The following CADPS variants were observed in gnomAD, a reference collection of about 807,000 sequenced individuals.
The protein encoded by CADPS is calcium dependent secretion activator, also known as calcium-dependent secretion activator 1.
Under a neutral mutation model 167.3 loss-of-function variants are expected in CADPS, and 57 were observed. The ratio of observed to expected loss-of-function variants is 0.34; its 90% CI spans 0.28 to 0.42. CADPS has a LOEUF of 0.42. Ranked by LOEUF, CADPS falls within the 20% of genes least tolerant of loss-of-function variation. The pLI is 1.00. For missense variants in CADPS, 1,414 were observed against 1,738.1 expected (o/e 0.81, Z 3.32); for synonymous variants, 676 against 635.3 (o/e 1.06, Z -0.96).
At chr3:62,830,327 T>C (rs1372798841) in intron 1 of CADPS, among the ~76,000 whole-genome samples, 4 of 152,138 alleles carry the variant, frequency 2.6e-5, no homozygotes, top group African/African-American at 9.7e-5. Flanking sequence ...CAAATCAGGA[T>C]CTTCTTCAAC....
rs1441418164 is a variant in CADPS, at chr3:62,398,697, C to T, written c.*709G>A. 2 of 152,350 alleles carry T rather than the reference C, an allele frequency of 1.3e-5. No homozygotes were observed. The highest frequency in any genetic ancestry group is 4.8e-5 in the African/African-American group (2 of 41,414). The allele number at this position is 152,350 out of a possible 1,614,324, so 9.4% of individuals were successfully genotyped here. On this transcript the variant is annotated 3_prime_UTR_variant, in exon 30 of 30. Coordinates refer to ENST00000383710, the MANE Select transcript of CADPS (RefSeq NM_003716.4). ...CAAAATAACATTTAAGAGGAGAAAA[C>T]TTTGACAGAAGACAGTAGTTTTGAA...
intron 1 of CADPS, among the ~76,000 whole-genome samples, chr3:62,828,692 A>G (rs902751699): frequency 6.6e-6 from 1 of 152,188 alleles, no homozygotes; most frequent in African/African-American, 2.4e-5. Context: ...ACTTATTTAA[A>G]TATGCTTTTA....
At chr3:62,807,876 TTTCTTTC>T (rs1170243597) in intron 1 of CADPS, among the ~76,000 whole-genome samples, 2 of 152,096 alleles carry the variant, frequency 1.3e-5, no homozygotes, top group African/African-American at 4.8e-5. Context: ...TTTTTCTTTC[TTTCTTTC>T]TTTTTTTTGA....
intron 28 of CADPS, among the ~76,000 whole-genome samples, chr3:62,410,376 A>C (rs1239026573): frequency 6.6e-6 from 1 of 152,242 alleles, no homozygotes; most frequent in African/African-American, 2.4e-5. Flanking sequence ...ATGCCTGGGC[A>C]GTTCATGTCT....
At chr3:62,623,683 G>C (rs955664824) in intron 6 of CADPS, among the ~76,000 whole-genome samples, 1 of 152,062 alleles carries the variant, frequency 6.6e-6, no homozygotes, top group Admixed American at 6.5e-5. Flanking sequence ...TGATTTTTCT[G>C]AGCTAACCCT....
chr3:62,624,371 T>C (rs2063663181), intron 6 of CADPS, among the ~76,000 whole-genome samples: 1 of 152,210 alleles, frequency 6.6e-6, no homozygotes, highest in African/African-American at 2.4e-5. Flanking sequence ...GTTCCAGCTG[T>C]TGGTGAGTTG....
At chr3:62,600,420 C>T (rs2059788082) in intron 6 of CADPS, among the ~76,000 whole-genome samples, 1 of 152,106 alleles carries the variant, frequency 6.6e-6, no homozygotes, top group South Asian at 2.1e-4. Context: ...AATGCCATCA[C>T]CCATAGAGGC....
chr3:62,676,870 T>A (rs1469366602), intron 3 of CADPS, among the ~76,000 whole-genome samples: 3 of 152,132 alleles, frequency 2.0e-5, no homozygotes, highest in Non-Finnish European at 2.9e-5. Flanking sequence ...CCAGCCTGCA[T>A]GGAACAAGAT....
At chr3:62,746,103 C>T (rs1365407235) in intron 3 of CADPS, among the ~76,000 whole-genome samples, 1 of 152,140 alleles carries the variant, frequency 6.6e-6, no homozygotes, top group Non-Finnish European at 1.5e-5. Context: ...AGCCTGTGGG[C>T]AAACAATGTT....
At chr3:62,481,539 T>C (rs1031359568) in intron 22 of CADPS, among the ~76,000 whole-genome samples, 184 bp downstream of exon 22, 2 of 152,232 alleles carry the variant, frequency 1.3e-5, no homozygotes, top group Non-Finnish European at 2.9e-5. Context: ...GCTGTATATA[T>C]AGCAAACATC....
In CADPS at chr3:62,455,254, A is replaced by G. The variant is rs1021136438; in HGVS notation, c.3637-9457T>C. On this transcript the variant is annotated intron_variant, in intron 26 of 29. Coordinates refer to ENST00000383710, the MANE Select transcript of CADPS (RefSeq NM_003716.4). This position sits in a 1 kb window ranked among gnomAD's most constrained non-coding sequence, Gnocchi z 4.4. The stretch of plus-strand genomic sequence containing the variant: ...CCCAGAGAGGATTTTTCCAAGGCTC[A>G]AGGGCTCCCTCAGACCCAGCCTCTT... 1.3e-5 allele frequency among the ~76,000 whole-genome samples: 2 copies of G among 151,616 alleles called. No individual in the cohort carries two copies. The highest frequency in any genetic ancestry group is 1.3e-4 in the Admixed American group (2 of 15,210).
intron 8 of CADPS, among the ~76,000 whole-genome samples, chr3:62,579,921 G>A (rs929211615): frequency 6.6e-6 from 1 of 152,154 alleles, no homozygotes; most frequent in Non-Finnish European, 1.5e-5. Flanking sequence ...CAGCAATGGA[G>A]GCTTGGAAGC....
chr3:62,681,782 T>C (rs2077188832), intron 3 of CADPS, among the ~76,000 whole-genome samples: 1 of 152,092 alleles, frequency 6.6e-6, no homozygotes, highest in Admixed American at 6.6e-5. Flanking sequence ...ACTGACTCGA[T>C]GACTATAACA....
At chr3:62,846,401 G>A (rs901717815) in intron 1 of CADPS, among the ~76,000 whole-genome samples, 2 of 152,042 alleles carry the variant, frequency 1.3e-5, no homozygotes, top group East Asian at 3.9e-4. Flanking sequence ...GATTATAATC[G>A]TTGCCTAGAC....
At chr3:62,574,285 G>A (rs1025039559) in intron 8 of CADPS, among the ~76,000 whole-genome samples, 71 of 152,196 alleles carry the variant, frequency 4.7e-4, no homozygotes, top group African/African-American at 1.6e-3. Context: ...ACTATGGCAG[G>A]GTTTTAAGAA....
In CADPS at chr3:62,558,825, C is replaced by T. The variant is rs141382566; in HGVS notation, c.1645-1312G>A. On this transcript the variant is annotated intron_variant, in intron 9 of 29. Coordinates refer to ENST00000383710, the MANE Select transcript of CADPS (RefSeq NM_003716.4). ...TGTATAGGGTTTGCAGAACTTCTTC[C>T]TTATATCACAATGCCAGGGGAAACC... 2.7e-3 allele frequency among the ~76,000 whole-genome samples: 410 copies of T among 152,294 alleles called. 2 individuals are homozygous for T. The highest frequency in any genetic ancestry group is 9.3e-3 in the African/African-American group (385 of 41,556).
chr3:62,858,708 T>A (rs778214072), intron 1 of CADPS, among the ~76,000 whole-genome samples: 5 of 152,212 alleles, frequency 3.3e-5, no homozygotes, highest in Admixed American at 1.3e-4. Context: ...ACACACTGCG[T>A]AAATTTGTAG....
At chr3:62,490,729 G>A (rs1276591350) in intron 21 of CADPS, among the ~76,000 whole-genome samples, 17 of 152,080 alleles carry the variant, frequency 1.1e-4, no homozygotes, top group Admixed American at 1.1e-3. Context: ...AACATACTTG[G>A]CCATAAAGGT....
chr3:62,470,130 G>GA (rs1053680377), intron 24 of CADPS, among the ~76,000 whole-genome samples: 2 of 152,062 alleles, frequency 1.3e-5, no homozygotes, highest in South Asian at 4.1e-4. Context: ...AAATTTTAAT[G>GA]AAAAAAATAA....
Sources: gnomAD v4.1 joint callset for allele counts (sites outside exome capture counted in the v4.1 genomes callset) on GRCh38, gnomAD v4.1.1 for gene constraint, Gnocchi (gnomAD v3.1) non-coding constraint, MANE v1.5 for transcripts, NCBI Gene and HGNC (gene_info 2026-07-23, HGNC 2026-07-21) for gene names.